PRKN: variants seen among roughly 807,000 people sequenced by gnomAD.
The protein encoded by PRKN is E3 ubiquitin-protein ligase parkin.
In PRKN, 56 loss-of-function variants were observed where a neutral mutation model predicts 59.5. The ratio of observed to expected loss-of-function variants is 0.94; its 90% CI spans 0.76 to 1.18. PRKN has a LOEUF of 1.18. Ranked by LOEUF, PRKN falls within the 50% of genes most tolerant of loss-of-function variation. PRKN has a pLI of 0.00. For missense variants in PRKN, 657 were observed against 596.4 expected (o/e 1.10, Z -1.06); for synonymous variants, 250 against 222.1 (o/e 1.13, Z -1.12).
chr6:162,047,151 T>A (rs1212205258), intron 5 of PRKN, among the ~76,000 whole-genome samples: 1 of 152,188 alleles, frequency 6.6e-6, no homozygotes, highest in East Asian at 1.9e-4. Flanking sequence ...TAAGAAAACA[T>A]GACTGTGGGG....
At chr6:162,574,117 G>GGGGC (rs1025830384) in intron 1 of PRKN, among the ~76,000 whole-genome samples, 35 of 152,214 alleles carry the variant, frequency 2.3e-4, no homozygotes, top group African/African-American at 8.2e-4. Context: ...CAACAGTGGC[G>GGGGC]GGGCTGCTGA....
In PRKN at chr6:162,056,083, C is replaced by T. The variant is rs114302939; in HGVS notation, c.535-1909G>A. Among the ~76,000 whole-genome samples the T allele has an allele frequency of 2.4e-3, 369 of 151,640 alleles. No individual in the cohort carries two copies. The highest frequency in any genetic ancestry group is 8.6e-3 in the African/African-American group (355 of 41,310). ...CATACATACACGTGCACACACATCC[C>T]ACACACCTCACACACCCCACACACA... On this transcript the variant is annotated intron_variant, in intron 4 of 11. Coordinates refer to ENST00000366898, the MANE Select transcript of PRKN (RefSeq NM_004562.3). The surrounding 1 kb of genome is among the most constrained non-coding windows in gnomAD (Gnocchi z 4.9).
At chr6:162,555,366 C>T (rs9356046) in intron 1 of PRKN, among the ~76,000 whole-genome samples, 27,433 of 151,882 alleles carry the variant, frequency 0.18, 3,191 homozygotes, top group East Asian at 0.49. Context: ...AAAAAAATTC[C>T]AGCTTTTTGA....
intron 7 of PRKN, among the ~76,000 whole-genome samples, chr6:161,767,299 G>A (rs1459760240): frequency 1.3e-5 from 2 of 152,194 alleles, no homozygotes; most frequent in South Asian, 2.1e-4. Flanking sequence ...GGATCACTAG[G>A]TCAGGAGATC....
chr6:161,832,964 G>A (rs938025546), intron 6 of PRKN, among the ~76,000 whole-genome samples: 2 of 152,006 alleles, frequency 1.3e-5, no homozygotes, highest in Admixed American at 6.6e-5. Context: ...CCCCATCCCC[G>A]GCCGATTGAG....
chr6:161,782,153 A>G (rs1394806541), intron 7 of PRKN, among the ~76,000 whole-genome samples: 1 of 152,236 alleles, frequency 6.6e-6, no homozygotes, highest in Non-Finnish European at 1.5e-5. Flanking sequence ...TAAAAAAATG[A>G]AAACTTAGTG....
At chr6:162,554,391 A>G (rs1779465938) in intron 1 of PRKN, among the ~76,000 whole-genome samples, 1 of 152,042 alleles carries the variant, frequency 6.6e-6, no homozygotes, top group Non-Finnish European at 1.5e-5. Flanking sequence ...AATCCCAGCT[A>G]CTTGGGAGGC....
chr6:161,365,677 A>G (rs1168424683), intron 10 of PRKN, among the ~76,000 whole-genome samples: 4 of 152,222 alleles, frequency 2.6e-5, no homozygotes, highest in South Asian at 2.1e-4. Context: ...CCCCGAGCAC[A>G]CAAGGCAGAG....
intron 2 of PRKN, among the ~76,000 whole-genome samples, chr6:162,328,619 G>T (rs1318819188): frequency 6.6e-6 from 1 of 152,210 alleles, no homozygotes; most frequent in Non-Finnish European, 1.5e-5. Flanking sequence ...TGAGCTAGCA[G>T]CAGGACAAAC....
chr6:162,665,863 C>T (rs1779080607), intron 1 of PRKN, among the ~76,000 whole-genome samples: 1 of 152,044 alleles, frequency 6.6e-6, no homozygotes, highest in Non-Finnish European at 1.5e-5. Flanking sequence ...ACAGAGACCT[C>T]AGAAATAACA....
chr6:162,270,914 T>G (rs1271736056), intron 2 of PRKN, among the ~76,000 whole-genome samples: 1 of 151,952 alleles, frequency 6.6e-6, no homozygotes, highest in Non-Finnish European at 1.5e-5. Context: ...TGATCAAGGC[T>G]CGCTGCTGCC....
At chr6:162,446,980 A>G (rs6933733) in intron 1 of PRKN, among the ~76,000 whole-genome samples, 83,371 of 151,990 alleles carry the variant, frequency 0.55, 23,837 homozygotes, top group East Asian at 0.7. Flanking sequence ...AACGCTTGCT[A>G]ATTTTATGAC....
rs1785791259 is a variant in PRKN, at chr6:161,377,880, T to C, written c.1167+8914A>G. 6.6e-6 allele frequency among the ~76,000 whole-genome samples: 1 copy of C among 152,150 alleles called. No individual in the cohort carries two copies. The highest frequency in any genetic ancestry group is 1.5e-5 in the Non-Finnish European group (1 of 68,032). On this transcript the variant is annotated intron_variant, in intron 10 of 11. Transcript: ENST00000366898. This position sits in a 1 kb window ranked among gnomAD's most constrained non-coding sequence, Gnocchi z 4.2. ...GACCCCAAATCTGCTAGTGCATTCA[T>C]CTTTGACTTCTGAGCCTCCAGAACT...
chr6:162,133,265 G>A (rs553602825), intron 4 of PRKN, among the ~76,000 whole-genome samples: 1 of 152,186 alleles, frequency 6.6e-6, no homozygotes, highest in African/African-American at 2.4e-5. Flanking sequence ...AGAAGTGAGG[G>A]ATCTGTGAAG....
chr6:161,962,057 T>C (rs1052102541), intron 6 of PRKN, among the ~76,000 whole-genome samples: 1 of 152,192 alleles, frequency 6.6e-6, no homozygotes, highest in African/African-American at 2.4e-5. Flanking sequence ...ACCACGGCCC[T>C]TGCTGCGATA....
At position 161,605,769 on chromosome 6, in the gene PRKN, C is replaced by T. The variant is rs986972534; in HGVS notation, c.872-36353G>A. 4.9e-4 allele frequency among the ~76,000 whole-genome samples: 74 copies of T among 152,194 alleles called. 1 individual carries two copies. The highest frequency in any genetic ancestry group is 1.3e-3 in the African/African-American group (56 of 41,538). ...AAGTAGTCTGCCTGCCTCGGCCTCC[C>T]GAAGTGCTGGGATTACAGGTATGAG... On this transcript the variant is annotated intron_variant, in intron 7 of 11. Coordinates refer to ENST00000366898, the MANE Select transcript of PRKN (RefSeq NM_004562.3).
chr6:162,152,012 T>C (rs1306792653), intron 4 of PRKN, among the ~76,000 whole-genome samples: 1 of 152,172 alleles, frequency 6.6e-6, no homozygotes, highest in Non-Finnish European at 1.5e-5. Context: ...AGCAATCCAT[T>C]ACAAACAACA....
rs1008851822 is a variant in PRKN, at chr6:162,443,372, G to T, written c.109C>A (p.Pro37Thr). The change falls in exon 2 of 12, where the codon CCG becomes ACG. Residue 37 changes from proline to threonine, a missense_variant. Pro to Thr is a conservative substitution (Grantham distance 38, BLOSUM62 -1). Coordinates refer to ENST00000366898, the MANE Select transcript of PRKN (RefSeq NM_004562.3). ...AAAATCACACGCAACTGGTCAGCCG[G>T]AACCCCCTGTCGCTTAGCAACCACC... ...KEVVAKRQGV[P>T]ADQLRVIFAG... 8 of 1,613,582 alleles carry T rather than the reference G, an allele frequency of 5.0e-6. No individual in the cohort carries two copies. The highest frequency in any genetic ancestry group is 8.5e-7 in the Non-Finnish European group (1 of 1,180,014).
rs763127937 is a variant in PRKN at position 161,550,518 on chromosome 6, T to C, written c.934-1515A>G. Among the ~76,000 whole-genome samples the C allele has an allele frequency of 2.1e-4, 32 of 152,194 alleles. No individual in the cohort carries two copies. Among genetic ancestry groups the C allele is most frequent in the Non-Finnish European group, 4.4e-4 (30 of 68,028 alleles). On this transcript the variant is annotated intron_variant, in intron 8 of 11. Coordinates refer to ENST00000366898, the MANE Select transcript of PRKN (RefSeq NM_004562.3). This position sits in a 1 kb window ranked among gnomAD's most constrained non-coding sequence, Gnocchi z 4.0. ...ATCTATGCAAAAGATGGCACTGGCT[T>C]GAACCGGGAAGGTAGTGCTGGAGGT...
Sources: allele counts gnomAD v4.1 joint callset (sites outside exome capture counted in the v4.1 genomes callset), GRCh38; gene constraint gnomAD v4.1.1; non-coding constraint Gnocchi (gnomAD v3.1); transcripts MANE v1.5; gene names NCBI Gene and HGNC (gene_info 2026-07-23, HGNC 2026-07-21).